PPIL2: variants seen among roughly 807,000 people sequenced by gnomAD.
The protein encoded by PPIL2 is RING-type E3 ubiquitin-protein ligase PPIL2.
PPIL2 carries 50 observed loss-of-function variants against 75.2 expected under a neutral mutation model. That is an observed-to-expected ratio of 0.66 (90% CI 0.53 to 0.84). PPIL2 has a LOEUF of 0.84. Among genes scored for constraint, PPIL2 ranks in the 40% least tolerant of loss-of-function variants. The pLI, the probability that PPIL2 is intolerant of heterozygous loss-of-function variation, is 0.00. For synonymous variants in PPIL2, 245 were observed against 258.8 expected (o/e 0.95, Z 0.51); for missense variants, 590 against 685.0 (o/e 0.86, Z 1.55).
chr22:21,684,467 A>AAAAAAAAAG (rs2067264852), intron 9 of PPIL2, among the ~76,000 whole-genome samples: 2 of 149,374 alleles, frequency 1.3e-5, no homozygotes, highest in Admixed American at 6.7e-5. Context: ...AAAAAAAAAA[A>AAAAAAAAAG]AAAAAAAAGA....
At chr22:21,677,523 C>T (rs1164124162) in intron 6 of PPIL2, among the ~76,000 whole-genome samples, 1 of 152,198 alleles carries the variant, frequency 6.6e-6, no homozygotes, top group Non-Finnish European at 1.5e-5. Context: ...AGCGAAACCC[C>T]GTCTCCACCC....
intron 1 of PPIL2, among the ~76,000 whole-genome samples, chr22:21,666,419 C>T (rs910106837): frequency 4.6e-5 from 7 of 152,204 alleles, no homozygotes; most frequent in East Asian, 1.9e-4. Context: ...CGAGTTTCGC[C>T]CTTGAATGAG....
intron 15 of PPIL2, among the ~76,000 whole-genome samples, chr22:21,692,485 C>T (rs372955322): frequency 5.9e-5 from 9 of 151,824 alleles, no homozygotes; most frequent in South Asian, 2.1e-4. Flanking sequence ...GGACTTAATT[C>T]TTCAGGTGGT....
chr22:21,688,963 T>C, intron 15 of PPIL2, 114 bp downstream of exon 15: 2 of 1,022,286 alleles, frequency 2.0e-6, no homozygotes, highest in African/African-American at 1.6e-5. Flanking sequence ...ACCCAGACGG[T>C]GTACGGCACA....
chr22:21,672,078 T>TA (rs1489342632), intron 4 of PPIL2, among the ~76,000 whole-genome samples: 1 of 152,184 alleles, frequency 6.6e-6, no homozygotes, highest in Admixed American at 6.6e-5. Flanking sequence ...ACCATTTACT[T>TA]ACTCATTTTC....
At chr22:21,669,818 A>G in intron 1 of PPIL2, 95 bp from the exon 2 acceptor site, 1 of 1,309,080 alleles carries the variant, frequency 7.6e-7, no homozygotes, top group Non-Finnish European at 1.1e-6. Context: ...GTATTTAGTA[A>G]GCATTTGCTG....
chr22:21,680,559 G>A (rs2067071901), intron 6 of PPIL2, among the ~76,000 whole-genome samples: 1 of 151,514 alleles, frequency 6.6e-6, no homozygotes, highest in South Asian at 2.1e-4. Context: ...GCCGGGTGCA[G>A]TGGCTCACAC....
At chr22:21,671,134 C>G in intron 4 of PPIL2, 75 bp downstream of exon 4, 12 of 1,440,124 alleles carry the variant, frequency 8.3e-6, no homozygotes, top group Non-Finnish European at 1.2e-5. Context: ...ACCCTTGGTA[C>G]CCTTGGGTAG....
intron 2 of PPIL2, 132 bp downstream of exon 2, chr22:21,670,094 A>G (rs2148500274): frequency 1.0e-6 from 1 of 989,822 alleles, no homozygotes; most frequent in Middle Eastern, 2.1e-4. Context: ...CTGAGGACAC[A>G]GTTCATGAAA....
intron 1 of PPIL2, among the ~76,000 whole-genome samples, chr22:21,667,747 G>A (rs2066450199): frequency 6.7e-6 from 1 of 149,816 alleles, no homozygotes; most frequent in Non-Finnish European, 1.5e-5. Flanking sequence ...TCCACTGGAG[G>A]ACTGAAAGAC....
In PPIL2 at chr22:21,696,872, T is replaced by G. The variant is rs2067958709; in HGVS notation, c.*1382T>G. 1 of 1,587,600 alleles carries G rather than the reference T, an allele frequency of 6.3e-7. No homozygotes were observed. The highest frequency in any genetic ancestry group is 8.6e-7 in the Non-Finnish European group (1 of 1,167,718). Reference sequence around the variant, plus strand: ...TCATCTGCATCTCTGCCTCACCCCATCCACTGCCACAGGCTGCCTGATGAC... The same window carrying G: ...TCATCTGCATCTCTGCCTCACCCCAGCCACTGCCACAGGCTGCCTGATGAC... On this transcript the variant is annotated 3_prime_UTR_variant, in exon 20 of 20. Coordinates refer to ENST00000398831, the MANE Select transcript of PPIL2 (RefSeq NM_014337.4).
At chr22:21,680,153 A>G (rs998844166) in intron 6 of PPIL2, among the ~76,000 whole-genome samples, 6 of 151,782 alleles carry the variant, frequency 4.0e-5, no homozygotes, top group Admixed American at 2.6e-4. Flanking sequence ...GAGTCCCCCT[A>G]CTGCACTTAC....
intron 13 of PPIL2, 39 bp downstream of exon 13, chr22:21,687,771 G>A (rs1378916901): frequency 3.2e-6 from 5 of 1,580,278 alleles, no homozygotes; most frequent in African/African-American, 2.7e-5. Context: ...GATGAGCTTG[G>A]TGGGACATCG....
In PPIL2 at chr22:21,681,340, A is replaced by C; in HGVS notation, c.337A>C (p.Asn113His). Residue 113 changes from asparagine to histidine, a missense_variant, in exon 7 of 20, where the codon AAC becomes CAC. By Grantham distance (68) the Asn-to-His change is moderately conservative. Coordinates refer to ENST00000398831, the MANE Select transcript of PPIL2 (RefSeq NM_014337.4). ...AGTGCTGTTTACCGTGTTCACCAAC[A>C]ACACCCACATCGTGGCTGTGAGGAC... Reference protein sequence around the residue: ...CPVLFTVFTNNTHIVAVRTTG... With the variant: ...CPVLFTVFTNHTHIVAVRTTG... 1 of 1,614,188 alleles carries C rather than the reference A, an allele frequency of 6.2e-7. No individual in the cohort carries two copies. Among genetic ancestry groups the C allele is most frequent in the South Asian group, 1.1e-5 (1 of 91,088 alleles).
In PPIL2 at chr22:21,696,569, C is replaced by T; in HGVS notation, c.*1079C>T. 1 of 1,407,868 alleles carries T rather than the reference C, an allele frequency of 7.1e-7. No individual in the cohort carries two copies. Among genetic ancestry groups the T allele is most frequent in the Non-Finnish European group, 9.2e-7 (1 of 1,082,050 alleles). The allele number at this position is 1,407,868 out of a possible 1,614,324, so 87.2% of individuals were successfully genotyped here. A position where few individuals can be genotyped will look rare whatever the true frequency, so the allele number is the denominator to read the frequency against. On this transcript the variant is annotated 3_prime_UTR_variant, in exon 20 of 20. Coordinates refer to ENST00000398831, the MANE Select transcript of PPIL2 (RefSeq NM_014337.4). The stretch of plus-strand genomic sequence containing the variant: ...CCCTGGCTGGCTTTTTCTTCGTCTT[C>T]AGCCCAGGCCAGTGGTCAGTGTTCT...
intron 6 of PPIL2, among the ~76,000 whole-genome samples, chr22:21,679,977 C>G (rs1412008969): frequency 1.3e-5 from 2 of 151,850 alleles, no homozygotes; most frequent in Admixed American, 6.6e-5. Flanking sequence ...TAGGTCCCAG[C>G]TACTCAGGAG....
chr22:21,687,507 C>G, intron 12 of PPIL2, 136 bp from the exon 13 acceptor site: 2 of 628,002 alleles, frequency 3.2e-6, no homozygotes, highest in Non-Finnish European at 2.7e-6. Flanking sequence ...GAGCCAAGAT[C>G]GCGCCACAGC....
intron 15 of PPIL2, among the ~76,000 whole-genome samples, chr22:21,692,270 C>G (rs988114696): frequency 2.6e-5 from 4 of 152,026 alleles, no homozygotes. Context: ...ATTCTCCTGC[C>G]TCAGCCTCCC....
intron 1 of PPIL2, among the ~76,000 whole-genome samples, chr22:21,666,482 A>G (rs903192690): frequency 4.5e-4 from 69 of 152,222 alleles, no homozygotes; most frequent in Admixed American, 4.2e-3. Context: ...GTTCATGCCT[A>G]TCAGCCTGCA....
Sources: gnomAD v4.1 joint callset for allele counts (sites outside exome capture counted in the v4.1 genomes callset) on GRCh38, gnomAD v4.1.1 for gene constraint, MANE v1.5 for transcripts, NCBI Gene and HGNC (gene_info 2026-07-23, HGNC 2026-07-21) for gene names.